WBP2: variants seen among roughly 807,000 people sequenced by gnomAD.
WBP2 encodes WW domain binding protein 2, also known as WW domain-binding protein 2.
In WBP2, 23 loss-of-function variants were observed where a neutral mutation model predicts 33.0. The observed-to-expected ratio is 0.70, with a 90% CI of 0.50 to 0.99. The LOEUF is 0.99. Ranked by LOEUF, WBP2 falls within the 50% of genes least tolerant of loss-of-function variation. The pLI, the probability that WBP2 is intolerant of heterozygous loss-of-function variation, is 0.00. For synonymous variants in WBP2, 153 were observed against 133.5 expected (o/e 1.15, Z -1.01); for missense variants, 353 against 358.0 (o/e 0.99, Z 0.11).
chr17:75,852,805 GGTTT>G (rs1359959098), intron 1 of WBP2: 1 of 985,132 alleles, frequency 1.0e-6, no homozygotes, highest in East Asian at 1.1e-4. Context: ...TGTTTTTGCT[GGTTT>G]GTTTTTCAAG....
rs1387478771 is a variant in WBP2 at position 75,854,293 on chromosome 17, C to G, written c.59+946G>C. On this transcript the variant is annotated intron_variant, in intron 1 of 7. Transcript: ENST00000254806. Reference sequence around the variant, plus strand: ...GATGTCTCCTTTGGGGACTCAGGTGCCTCCTAAGCTCCTTCTGCCTTCAAG... The same window carrying G: ...GATGTCTCCTTTGGGGACTCAGGTGGCTCCTAAGCTCCTTCTGCCTTCAAG... Among the ~76,000 whole-genome samples the G allele has an allele frequency of 2.6e-5, 4 of 152,144 alleles. No individual in the cohort carries two copies. The South Asian group carries it at 6.2e-4, about 24-fold the overall frequency.
intron 4 of WBP2, chr17:75,848,218 C>A (rs77943213): frequency 1.7e-6 from 1 of 585,866 alleles, no homozygotes. Context: ...AGTGAGCTGG[C>A]GGAGGATGTC....
In WBP2 at chr17:75,849,834, A is replaced by C. The variant is rs1456507000; in HGVS notation, c.169-95T>G. 8.6e-6 allele frequency: 13 copies of C among 1,516,112 alleles called. No individual in the cohort carries two copies. The African/African-American group carries it at 1.1e-4, about 13-fold the overall frequency. The allele number at this position is 1,516,112 out of a possible 1,614,324, so 93.9% of individuals were successfully genotyped here. ...TCCTGGGAGTGACGAATCCTCTCCC[A>C]GTGCCAGGGTCCAGCAGCCCCATGG... On this transcript the variant is annotated intron_variant, in intron 2 of 7. Transcript: ENST00000254806.
At chr17:75,855,662 G>A (rs1456808401), upstream of WBP2, among the ~76,000 whole-genome samples, 1 of 152,198 alleles carries the variant, frequency 6.6e-6, no homozygotes, top group Non-Finnish European at 1.5e-5. Context: ...CTCTTCAGCC[G>A]GACGGAAATA....
intron 6 of WBP2, 116 bp downstream of exon 6, chr17:75,847,371 G>T (rs2064999553): frequency 6.7e-7 from 1 of 1,490,978 alleles, no homozygotes; most frequent in Admixed American, 2.0e-5. Flanking sequence ...GGGTAGTCCA[G>T]GGGTCATCCA....
intron 1 of WBP2, chr17:75,852,842 G>C (rs1191043089): frequency 1.0e-6 from 1 of 972,558 alleles, no homozygotes; most frequent in African/African-American, 1.8e-5. Context: ...ACATGTCTAA[G>C]AGATGACTGT....
intron 5 of WBP2, 74 bp downstream of exon 5, chr17:75,847,722 A>C (rs1021745940): frequency 6.5e-7 from 1 of 1,547,500 alleles, no homozygotes; most frequent in African/African-American, 1.4e-5. Context: ...CAAGGAATAA[A>C]GTCTCCCTGG....
chr17:75,848,697 G>C (rs1567826163), intron 3 of WBP2, 35 bp from the exon 4 acceptor site: 1 of 1,577,168 alleles, frequency 6.3e-7, no homozygotes, highest in Non-Finnish European at 8.7e-7. Context: ...AACAGCACAG[G>C]AAAAGAAAAC....
At chr17:75,849,317 G>A in intron 3 of WBP2, 3 of 346,724 alleles carry the variant, frequency 8.7e-6, no homozygotes, top group African/African-American at 2.1e-5. Context: ...TCCTTCCTGA[G>A]TCTAAAATTT....
intron 4 of WBP2, 158 bp from the exon 5 acceptor site, chr17:75,848,088 C>T (rs2065006229): frequency 2.0e-6 from 2 of 1,016,630 alleles, no homozygotes; most frequent in Admixed American, 4.5e-5. Flanking sequence ...ACTCGGGGGG[C>T]CACCTTGGTC....
chr17:75,846,785 G>T lies in WBP2; in HGVS notation c.735C>A (p.Ser245Arg). The T allele has an allele frequency of 6.4e-7, 1 of 1,562,334 alleles. No homozygotes were observed. Among genetic ancestry groups the T allele is most frequent in the Non-Finnish European group, 8.7e-7 (1 of 1,152,818 alleles). ...GGTAGTAGGGAGGTGGCGGCGGCTG[G>T]CTCTAAAGAAGGGAGAAAGGAGAGA... ...GNPHNVYMPT[S>R]QPPPPPYYPP... is the part of the protein sequence containing the mutation. Residue 245 changes from serine (S) to arginine (R), a missense_variant and splice_region_variant, in exon 8 of 8, where the codon AGC becomes AGA. Coordinates refer to ENST00000254806, the MANE Select transcript of WBP2 (RefSeq NM_012478.4). The surrounding 1 kb of genome is among the most constrained non-coding windows in gnomAD (Gnocchi z 4.8).
chr17:75,848,840 C>A (rs1187750848), intron 3 of WBP2, 178 bp from the exon 4 acceptor site: 2 of 630,046 alleles, frequency 3.2e-6, no homozygotes, highest in Non-Finnish European at 5.7e-6. Context: ...TGCATAGGAG[C>A]CAGCACTGCA....
rs759345962 is a variant in WBP2, at chr17:75,846,899, C to A, written c.732+9G>T. 3 of 1,614,082 alleles carry A rather than the reference C, an allele frequency of 1.9e-6. No individual in the cohort carries two copies. The highest frequency in any genetic ancestry group is 2.5e-6 in the Non-Finnish European group (3 of 1,179,968). On this transcript the variant is annotated intron_variant, in intron 7 of 7. Transcript: ENST00000254806. This position sits in a 1 kb window ranked among gnomAD's most constrained non-coding sequence, Gnocchi z 4.8. ...GTGGGGCTGCACCGGCACTGCCAAG[C>A]CCTCTCACCGTGGGCATGTAGACGT...
Position 75,847,578 on chromosome 17 carries a change from C to CCCGT in WBP2, c.560_563dup (p.Ala189ArgfsTer71). On this transcript the variant is annotated frameshift_variant, in exon 6 of 8. Transcript: ENST00000254806. LOFTEE classifies it high-confidence loss of function. ...GTGGGGGCTGCACGTATCCCATGGC[C>CCCGT]CCGTCCATCATGGGGGGTCCTGGAT... The CCCGT allele has an allele frequency of 2.5e-6, 4 of 1,610,894 alleles. No individual in the cohort carries two copies. The highest frequency in any genetic ancestry group is 3.4e-6 in the Non-Finnish European group (4 of 1,178,368).
intron 2 of WBP2, chr17:75,851,353 G>A (rs2065026312): frequency 4.3e-6 from 2 of 461,228 alleles, no homozygotes; most frequent in Non-Finnish European, 4.1e-6. Flanking sequence ...ATTGACATGG[G>A]TTCACTGCCC....
chr17:75,853,847 C>T (rs1338797536), intron 1 of WBP2, among the ~76,000 whole-genome samples: 1 of 151,874 alleles, frequency 6.6e-6, no homozygotes, highest in Non-Finnish European at 1.5e-5. Context: ...AGTTCGAGAC[C>T]AGCCTGCCCA....
chr17:75,850,335 T>C (rs1417480586), intron 2 of WBP2, among the ~76,000 whole-genome samples: 2 of 151,666 alleles, frequency 1.3e-5, no homozygotes, highest in Non-Finnish European at 2.9e-5. Context: ...AAGCTCCGCC[T>C]CCCGGGTTCA....
intron 6 of WBP2, 182 bp from the exon 7 acceptor site, chr17:75,847,166 T>C (rs2064998404): frequency 1.4e-6 from 1 of 702,504 alleles, no homozygotes; most frequent in African/African-American, 1.8e-5. Context: ...TCCAGGCCCA[T>C]CGCATGTCTC....
chr17:75,848,122 G>T, intron 4 of WBP2, 192 bp from the exon 5 acceptor site: 2 of 755,664 alleles, frequency 2.6e-6, no homozygotes, highest in Non-Finnish European at 4.3e-6. Context: ...GACGGGAGAG[G>T]TCAGAGCCAG....
Sources: allele counts gnomAD v4.1 joint callset (sites outside exome capture counted in the v4.1 genomes callset), GRCh38; gene constraint gnomAD v4.1.1; non-coding constraint Gnocchi (gnomAD v3.1); transcripts MANE v1.5; gene names NCBI Gene and HGNC (gene_info 2026-07-23, HGNC 2026-07-21).